UBE3D: variants seen among roughly 807,000 people sequenced by gnomAD.
The protein encoded by UBE3D is ubiquitin protein ligase E3D.
In UBE3D, 48 loss-of-function variants were observed where a neutral mutation model predicts 49.6. That is an observed-to-expected ratio of 0.97 (90% CI 0.77 to 1.23). UBE3D has a LOEUF of 1.23. Among genes scored for constraint, UBE3D ranks in the 50% most tolerant of loss-of-function variants. The pLI, the probability that UBE3D is intolerant of heterozygous loss-of-function variation, is 0.00. For synonymous variants in UBE3D, 189 were observed against 174.2 expected (o/e 1.08, Z -0.67); for missense variants, 452 against 468.4 (o/e 0.96, Z 0.32).
the UBE3D span, among the ~76,000 whole-genome samples, chr6:82,886,328 G>A: frequency 4.4e-4 from 67 of 152,224 alleles, 1 homozygote; most frequent in Admixed American, 4.1e-3. Flanking sequence ...TAAGGAGCAC[G>A]CAACCTAGAT....
At chr6:83,025,252 C>T (rs1781372253) in intron 5 of UBE3D, among the ~76,000 whole-genome samples, 1 of 152,006 alleles carries the variant, frequency 6.6e-6, no homozygotes, top group Non-Finnish European at 1.5e-5. Flanking sequence ...TAGAATCTAC[C>T]CAGAATCTCA....
intron 8 of UBE3D, among the ~76,000 whole-genome samples, chr6:82,992,724 T>A (rs1582574511): frequency 6.6e-6 from 1 of 152,142 alleles, no homozygotes; most frequent in East Asian, 1.9e-4. Context: ...TAATTCCTCA[T>A]GCTATCTAAA....
intron 8 of UBE3D, among the ~76,000 whole-genome samples, chr6:82,957,851 T>A (rs961414023): frequency 6.6e-6 from 1 of 152,208 alleles, no homozygotes; most frequent in South Asian, 2.1e-4. Context: ...ATCCCCATTC[T>A]ACAGCTATGA....
intron 9 of UBE3D, among the ~76,000 whole-genome samples, chr6:82,934,104 G>C (rs1443491684): frequency 1.3e-5 from 2 of 152,078 alleles, no homozygotes; most frequent in African/African-American, 4.8e-5. Context: ...TCTTGACAGT[G>C]GGTGAGTTCT....
In UBE3D at chr6:83,043,547, T is replaced by C. The variant is rs1344856175; in HGVS notation, c.597+881A>G. Among the ~76,000 whole-genome samples, 5 of 152,138 alleles carry C rather than the reference T, an allele frequency of 3.3e-5. No individual in the cohort carries two copies. The East Asian group carries it at 9.6e-4, about 29-fold the overall frequency. ...CTCCACATTTGACGAATTTCCTTCA[T>C]CTCCCTCAGAATAGTTCTATAAACT... On this transcript the variant is annotated intron_variant, in intron 4 of 9. Transcript: ENST00000369747.
At chr6:83,039,008 G>C (rs1782461866) in intron 4 of UBE3D, among the ~76,000 whole-genome samples, 1 of 152,090 alleles carries the variant, frequency 6.6e-6, no homozygotes. Flanking sequence ...TTTCCACTTA[G>C]GATCGGCACT....
intron 9 of UBE3D, among the ~76,000 whole-genome samples, chr6:82,920,832 AAAAC>A (rs10623474): frequency 6.6e-6 from 1 of 151,264 alleles, no homozygotes; most frequent in South Asian, 2.1e-4. Context: ...CTCTTCTAGG[AAAAC>A]AAACAAACAA....
chr6:83,023,797 GA>G, intron 6 of UBE3D, among the ~76,000 whole-genome samples, 171 bp downstream of exon 6: 2 of 152,278 alleles, frequency 1.3e-5, no homozygotes, highest in East Asian at 3.9e-4. Context: ...GTGCTTGTGT[GA>G]TGGATGCACC....
chr6:83,023,284 T>C (rs1200590527), intron 6 of UBE3D, among the ~76,000 whole-genome samples: 4 of 152,202 alleles, frequency 2.6e-5, no homozygotes, highest in Admixed American at 6.5e-5. Flanking sequence ...AGATTCTAGA[T>C]ATCTGGCACA....
At chr6:83,005,968 T>C (rs776547719) in intron 8 of UBE3D, among the ~76,000 whole-genome samples, 6 of 152,102 alleles carry the variant, frequency 3.9e-5, no homozygotes, top group Non-Finnish European at 7.4e-5. Context: ...CTCACACCTA[T>C]AATCCCAGTA....
At chr6:83,029,502 TAA>T (rs1163847706) in intron 5 of UBE3D, among the ~76,000 whole-genome samples, 2 of 152,204 alleles carry the variant, frequency 1.3e-5, no homozygotes, top group African/African-American at 4.8e-5. Flanking sequence ...AAGCTTTTCT[TAA>T]AAAGTTATTT....
At chr6:82,956,409 G>A (rs543684575) in intron 9 of UBE3D, among the ~76,000 whole-genome samples, 5 of 152,160 alleles carry the variant, frequency 3.3e-5, no homozygotes, top group African/African-American at 9.6e-5. Flanking sequence ...CGAGGGAGGC[G>A]GGGGGTCTTC....
At chr6:82,964,516 C>T (rs1776772056) in intron 8 of UBE3D, among the ~76,000 whole-genome samples, 1 of 152,134 alleles carries the variant, frequency 6.6e-6, no homozygotes. Context: ...AATTTGAACT[C>T]TTCAACCCTA....
At chr6:83,029,762 T>C (rs551584170) in intron 5 of UBE3D, among the ~76,000 whole-genome samples, 1 of 152,344 alleles carries the variant, frequency 6.6e-6, no homozygotes, top group African/African-American at 2.4e-5. Context: ...TTGACTGGCC[T>C]GGACTCGAAC....
At chr6:82,880,848 T>C in the UBE3D span, among the ~76,000 whole-genome samples, 1 of 152,164 alleles carries the variant, frequency 6.6e-6, no homozygotes, top group African/African-American at 2.4e-5. Flanking sequence ...AGCCTGGAAG[T>C]CCAAGAGCAG....
At chr6:82,984,554 A>C (rs972242915) in intron 8 of UBE3D, among the ~76,000 whole-genome samples, 8 of 152,190 alleles carry the variant, frequency 5.3e-5, no homozygotes, top group Non-Finnish European at 1.5e-5. Flanking sequence ...TCACCAAAAA[A>C]ATATGTTGTC....
intron 8 of UBE3D, among the ~76,000 whole-genome samples, chr6:83,009,757 T>C (rs1780217610): frequency 6.9e-6 from 1 of 145,754 alleles, no homozygotes; most frequent in Admixed American, 7.4e-5. Flanking sequence ...ACAGAATAGG[T>C]ATAATAAATT....
intron 8 of UBE3D, among the ~76,000 whole-genome samples, chr6:82,979,787 C>T (rs1777984038): frequency 6.6e-6 from 1 of 152,046 alleles, no homozygotes; most frequent in African/African-American, 2.4e-5. Context: ...TCATTCCACA[C>T]TCTATGTCCA....
rs1442393794 is a variant in UBE3D at position 82,892,589 on chromosome 6, C to T, written c.*433G>A. 1 of 165,838 alleles carries T rather than the reference C, an allele frequency of 6.0e-6. No individual in the cohort carries two copies. Among genetic ancestry groups the T allele is most frequent in the Admixed American group, 5.6e-5 (1 of 17,864 alleles). The allele number at this position is 165,838 out of a possible 1,614,324, so 10.3% of individuals were successfully genotyped here. ...TTCTTTTTTAAAATTTGTTTTAAAT[C>T]ATCCTGAGAAACTCTTTAAAAGTTT... On this transcript the variant is annotated 3_prime_UTR_variant, in exon 10 of 10. Transcript: ENST00000369747.
Sources: allele counts gnomAD v4.1 joint callset (sites outside exome capture counted in the v4.1 genomes callset), GRCh38; gene constraint gnomAD v4.1.1; transcripts MANE v1.5; gene names NCBI Gene and HGNC (gene_info 2026-07-23, HGNC 2026-07-21).